Variants in ARHGEF12 observed in about 807,000 individuals in gnomAD.
ARHGEF12 encodes the protein Rho guanine nucleotide exchange factor 12, also known as KMT2A/ARHGEF12 fusion protein.
ARHGEF12 carries 66 observed loss-of-function variants against 211.2 expected under a neutral mutation model. That is an observed-to-expected ratio of 0.31 (90% CI 0.26 to 0.38). ARHGEF12 has a LOEUF of 0.38. Ranked by LOEUF, ARHGEF12 falls within the 10% of genes least tolerant of loss-of-function variation. The pLI is 1.00. For synonymous variants in ARHGEF12, 592 were observed against 638.4 expected, an observed-to-expected ratio of 0.93 and a Z score of 1.09; for missense variants, 1,429 against 1,869.5, an observed-to-expected ratio of 0.76 and a Z score of 4.34.
At chr11:120,426,690 A>G (rs1945354270) in intron 7 of ARHGEF12, among the ~76,000 whole-genome samples, 1 of 152,222 alleles carries the variant, frequency 6.6e-6, no homozygotes, top group African/African-American at 2.4e-5. Flanking sequence ...ACTTGTGAGT[A>G]TTATACATAG....
At chr11:120,457,062 G>T in intron 22 of ARHGEF12, 56 bp from the exon 23 acceptor site, 1 of 1,552,650 alleles carries the variant, frequency 6.4e-7, no homozygotes, top group South Asian at 1.2e-5. Flanking sequence ...TTTTTTTGGT[G>T]ACCAGTGACT....
Position 120,475,418 on chromosome 11 carries a change from G to A in ARHGEF12, c.3188G>A (p.Ser1063Asn), listed in dbSNP as rs1946999914. The part of the protein sequence containing the change: ...QDDRLVLRCH[S>N]KILASTADSK... ...GATAGACTGGTTTTAAGGTGTCATA[G>A]TAAGATTCTGGCATCTACAGCTGAT... The change falls in exon 33 of 41, where the codon AGT (serine) becomes AAT (asparagine). Residue 1063 changes from serine to asparagine, a missense_variant. Ser to Asn is a conservative substitution (Grantham distance 46). This residue lies in a region of ARHGEF12 where 223 missense variants were observed against 444.6 expected (regional missense o/e 0.50). Coordinates refer to ENST00000397843, the MANE Select transcript of ARHGEF12 (RefSeq NM_015313.3). The A allele has an allele frequency of 3.1e-6, 5 of 1,613,994 alleles. 1 individual carries two copies. Among genetic ancestry groups the A allele is most frequent in the Non-Finnish European group, 2.5e-6 (3 of 1,179,996 alleles).
rs143693599 is a variant in ARHGEF12 at position 120,448,180 on chromosome 11, C to T, written c.1623-54C>T. 2.6e-4 allele frequency: 341 copies of T among 1,328,182 alleles called. 1 individual carries two copies. The African/African-American group carries it at 4.5e-3, about 18-fold the overall frequency. The allele number at this position is 1,328,182 out of a possible 1,614,324, so 82.3% of individuals were successfully genotyped here. ...TTGGAAATCATTTGATGTCTTTATT[C>T]TACCAACCCTCCCTTCTCAGAAGTC... On this transcript the variant is annotated intron_variant, in intron 19 of 40. Transcript: ENST00000397843.
Position 120,429,027 on chromosome 11 carries a change from G to C in ARHGEF12, c.586-413G>C, listed in dbSNP as rs1156981088. On this transcript the variant is annotated intron_variant, in intron 8 of 40. Coordinates refer to ENST00000397843, the MANE Select transcript of ARHGEF12 (RefSeq NM_015313.3). ...AAGACTAATTTGGTAAAATATTATA[G>C]GGTTGTGAAACAAGGAGGGATGATG... Among the ~76,000 whole-genome samples, 5 of 152,260 alleles carry C rather than the reference G, an allele frequency of 3.3e-5. No individual in the cohort carries two copies. In the East Asian group the frequency reaches 9.6e-4, roughly 29 times the overall value.
intron 1 of ARHGEF12, among the ~76,000 whole-genome samples, chr11:120,367,790 G>C (rs1943471150): frequency 6.6e-6 from 1 of 152,162 alleles, no homozygotes; most frequent in Admixed American, 6.5e-5. Context: ...TGGCAACGTA[G>C]TGAGACCCTG....
intron 27 of ARHGEF12, 59 bp from the exon 28 acceptor site, chr11:120,465,174 TTGTC>T (rs1431599034): frequency 1.6e-5 from 25 of 1,596,304 alleles, no homozygotes; most frequent in Non-Finnish European, 2.1e-5. Flanking sequence ...GTCTGTCACT[TTGTC>T]TGGCTTGTAT....
intron 30 of ARHGEF12, among the ~76,000 whole-genome samples, chr11:120,471,746 G>A (rs1946876243): frequency 6.6e-6 from 1 of 152,124 alleles, no homozygotes. Context: ...ATAGATATAT[G>A]ATAAAACAAA....
At chr11:120,436,808 A>G (rs767636606) in intron 11 of ARHGEF12, among the ~76,000 whole-genome samples, 3 of 152,178 alleles carry the variant, frequency 2.0e-5, no homozygotes, top group Non-Finnish European at 4.4e-5. Context: ...TCCCCCACAA[A>G]CACTGAAGAA....
intron 1 of ARHGEF12, among the ~76,000 whole-genome samples, chr11:120,391,458 G>C (rs1023664670): frequency 2.0e-5 from 3 of 152,166 alleles, no homozygotes; most frequent in Non-Finnish European, 4.4e-5. Flanking sequence ...CCTGCCTTTG[G>C]CAGTAGAGCA....
intron 22 of ARHGEF12, among the ~76,000 whole-genome samples, chr11:120,453,971 C>G (rs1326301321): frequency 6.6e-6 from 1 of 152,210 alleles, no homozygotes. Context: ...TGAGCAGTCT[C>G]TGTCACTTGT....
intron 1 of ARHGEF12, among the ~76,000 whole-genome samples, chr11:120,357,660 C>G: frequency 6.6e-6 from 1 of 152,150 alleles, no homozygotes. Flanking sequence ...ACCTCCACCT[C>G]CTGGGTTCAA....
chr11:120,348,460 T>C (rs1191980506), intron 1 of ARHGEF12, among the ~76,000 whole-genome samples: 3 of 152,184 alleles, frequency 2.0e-5, no homozygotes, highest in Non-Finnish European at 2.9e-5. Context: ...TTGGGTGCCA[T>C]GTGCCACAGG....
chr11:120,357,181 C>T (rs567676037), intron 1 of ARHGEF12, among the ~76,000 whole-genome samples: 4 of 151,982 alleles, frequency 2.6e-5, no homozygotes, highest in East Asian at 3.9e-4. Flanking sequence ...TTAGTAGAGA[C>T]GGGGTTTCAC....
At position 120,481,512 on chromosome 11, in the gene ARHGEF12, C is replaced by T. The variant is rs780483963; in HGVS notation, c.4490C>T (p.Ala1497Val). The part of the protein sequence containing the change: ...CFEIQSPSSC[A>V]DSQSQIMEYI... ...GAGATCCAGAGTCCCTCCTCTTGTGCAGATTCACAGAGCCAGATCATGGAG... is the reference window on the plus strand; with the variant it reads ...GAGATCCAGAGTCCCTCCTCTTGTGTAGATTCACAGAGCCAGATCATGGAG... Residue 1497 changes from alanine (A) to valine (V), a missense_variant, in exon 39 of 41, where the codon GCA (alanine) becomes GTA (valine). By Grantham distance (64) the Ala-to-Val change is moderately conservative. Around this residue, in one of 7 missense-constraint regions of ARHGEF12, gnomAD observed 467 missense variants for 468.4 expected, o/e 1.00. Coordinates refer to ENST00000397843, the MANE Select transcript of ARHGEF12 (RefSeq NM_015313.3). 1.2e-6 allele frequency: 2 copies of T among 1,614,184 alleles called. No homozygotes were observed. The highest frequency in any genetic ancestry group is 3.3e-5 in the Admixed American group (2 of 60,018).
In ARHGEF12 at chr11:120,409,386, T is replaced by G. The variant is rs774163005; in HGVS notation, c.143-8T>G. Reference sequence around the variant, plus strand: ...ATATCTCTCTCCTTTTCTCCCGCTCTTGTGCAGATAGCTCCTCCAAGAAGA... The same window carrying G: ...ATATCTCTCTCCTTTTCTCCCGCTCGTGTGCAGATAGCTCCTCCAAGAAGA... On this transcript the variant is annotated splice_polypyrimidine_tract_variant and splice_region_variant and intron_variant, in intron 3 of 40. Transcript: ENST00000397843. 6.2e-7 allele frequency: 1 copy of G among 1,613,648 alleles called. No individual in the cohort carries two copies. Among genetic ancestry groups the G allele is most frequent in the African/African-American group, 1.3e-5 (1 of 74,924 alleles).
chr11:120,481,996 T>A (rs1332023824), intron 39 of ARHGEF12, among the ~76,000 whole-genome samples: 1 of 152,166 alleles, frequency 6.6e-6, no homozygotes, highest in Non-Finnish European at 1.5e-5. Context: ...CCTGACCTCG[T>A]GATCCGCCTG....
intron 3 of ARHGEF12, 104 bp from the exon 4 acceptor site, chr11:120,409,290 G>A (rs1393309750): frequency 8.7e-7 from 1 of 1,143,274 alleles, no homozygotes; most frequent in South Asian, 1.4e-5. Flanking sequence ...GTGTTTGCAC[G>A]ATTTAACTTG....
rs1947388914 is a variant in ARHGEF12 at position 120,486,040 on chromosome 11, A to C, written c.*963A>C. Reference sequence around the variant, plus strand: ...CAGATTGAGCAGGAAGTAAAAACAAATGGAAATGCTTCGGATAGTGGCAGG... The same window carrying C: ...CAGATTGAGCAGGAAGTAAAAACAACTGGAAATGCTTCGGATAGTGGCAGG... On this transcript the variant is annotated 3_prime_UTR_variant, in exon 41 of 41. Transcript: ENST00000397843. 2 of 194,460 alleles carry C rather than the reference A, an allele frequency of 1.0e-5. No individual in the cohort carries two copies. Among genetic ancestry groups the C allele is most frequent in the Admixed American group, 1.2e-4 (2 of 16,304 alleles). The allele number at this position is 194,460 out of a possible 1,614,324, so 12.0% of individuals were successfully genotyped here. A position where few individuals can be genotyped will look rare whatever the true frequency, so the allele number is the denominator to read the frequency against.
chr11:120,444,277 A>C (rs1441401072), intron 15 of ARHGEF12, among the ~76,000 whole-genome samples: 1 of 152,216 alleles, frequency 6.6e-6, no homozygotes, highest in Non-Finnish European at 1.5e-5. Context: ...TGCATTTCTT[A>C]AGAGGGCACC....
Sources: allele counts gnomAD v4.1 joint callset (sites outside exome capture counted in the v4.1 genomes callset), GRCh38; gene constraint gnomAD v4.1.1; regional missense constraint gnomAD v4.1.1; transcripts MANE v1.5; gene names NCBI Gene and HGNC (gene_info 2026-07-23, HGNC 2026-07-21).